TNR: variants seen among roughly 807,000 people sequenced by gnomAD.
TNR encodes the protein tenascin R, also known as tenascin-R.
In TNR, 45 loss-of-function variants were observed where a neutral mutation model predicts 150.4. The ratio of observed to expected loss-of-function variants is 0.30; its 90% CI spans 0.24 to 0.38. The LOEUF is 0.38. TNR is among the 10% of genes least tolerant of loss of function. The pLI, the probability that TNR is intolerant of heterozygous loss-of-function variation, is 1.00. For synonymous variants in TNR, 687 were observed against 678.4 expected, an observed-to-expected ratio of 1.01 and a Z score of -0.20; for missense variants, 1,544 against 1,759.1, an observed-to-expected ratio of 0.88 and a Z score of 2.19.
intron 1 of TNR, among the ~76,000 whole-genome samples, chr1:175,705,251 A>G (rs1666814458): frequency 6.6e-6 from 1 of 152,210 alleles, no homozygotes; most frequent in Non-Finnish European, 1.5e-5. Context: ...TGAAGGAGGT[A>G]TAATAAAGCC....
chr1:175,364,871 A>T, intron 12 of TNR, 139 bp downstream of exon 12: 2 of 1,076,636 alleles, frequency 1.9e-6, no homozygotes, highest in South Asian at 1.8e-5. Flanking sequence ...TAGCTGTTTC[A>T]GAACAGGTCA....
chr1:175,654,606 C>T (rs962364836), intron 1 of TNR, among the ~76,000 whole-genome samples: 1 of 151,678 alleles, frequency 6.6e-6, no homozygotes, highest in Non-Finnish European at 1.5e-5. Context: ...TGTCTAAGTT[C>T]TTCTCGCTTC....
chr1:175,406,887 G>T (rs1017054198), intron 2 of TNR, 110 bp from the exon 3 acceptor site: 2 of 755,278 alleles, frequency 2.6e-6, no homozygotes, highest in Non-Finnish European at 2.1e-6. Flanking sequence ...TTTTCAAGGG[G>T]GGGGCGTCAG....
chr1:175,661,374 C>G (rs546569170), intron 1 of TNR, among the ~76,000 whole-genome samples: 18 of 152,264 alleles, frequency 1.2e-4, no homozygotes, highest in Admixed American at 9.8e-4. Context: ...CTGTTTTAAG[C>G]CCCCCTAAAT....
chr1:175,606,384 C>A (rs1315475761), intron 1 of TNR, among the ~76,000 whole-genome samples: 1 of 152,188 alleles, frequency 6.6e-6, no homozygotes, highest in East Asian at 1.9e-4. Flanking sequence ...ATATGATCGA[C>A]TGAGTTGGCA....
At chr1:175,446,372 A>G (rs1002416591) in intron 2 of TNR, among the ~76,000 whole-genome samples, 6 of 152,242 alleles carry the variant, frequency 3.9e-5, no homozygotes, top group African/African-American at 1.2e-4. Context: ...TTCCATCCAC[A>G]AAATGGCTAT....
At chr1:175,370,591 T>A (rs1270396609) in intron 9 of TNR, among the ~76,000 whole-genome samples, 2 of 152,082 alleles carry the variant, frequency 1.3e-5, no homozygotes, top group Admixed American at 1.3e-4. Context: ...CCCTGATCCA[T>A]TTGAAGCACA....
At chr1:175,742,810 C>A in intron 1 of TNR, among the ~76,000 whole-genome samples, 1 of 152,302 alleles carries the variant, frequency 6.6e-6, no homozygotes, top group East Asian at 1.9e-4. Context: ...CTCTTTCCCA[C>A]CATGGATGGC....
chr1:175,619,146 G>A (rs748060187), intron 1 of TNR, among the ~76,000 whole-genome samples: 7 of 152,202 alleles, frequency 4.6e-5, no homozygotes, highest in East Asian at 1.9e-4. Context: ...CCTCTATCAC[G>A]GTCTACTCCT....
chr1:175,339,231 C>T (rs1465884216), intron 18 of TNR, among the ~76,000 whole-genome samples: 1 of 152,130 alleles, frequency 6.6e-6, no homozygotes. Flanking sequence ...AAATATAATG[C>T]ATGATTGAAT....
intron 1 of TNR, among the ~76,000 whole-genome samples, chr1:175,739,301 C>A (rs1477236305): frequency 6.6e-6 from 1 of 152,156 alleles, no homozygotes; most frequent in Non-Finnish European, 1.5e-5. Flanking sequence ...ACTAAAGATT[C>A]TAATTTACTG....
chr1:175,346,952 G>A (rs1456527972), intron 18 of TNR, among the ~76,000 whole-genome samples: 1 of 149,308 alleles, frequency 6.7e-6, no homozygotes, highest in Non-Finnish European at 1.5e-5. Context: ...AGCTTTTTTT[G>A]TTTCTTTTTA....
chr1:175,721,463 A>G (rs573515874), intron 1 of TNR, among the ~76,000 whole-genome samples: 49 of 152,024 alleles, frequency 3.2e-4, no homozygotes, highest in Middle Eastern at 3.4e-3. Context: ...GGCTGTGTTC[A>G]CCCCACCCAG....
intron 2 of TNR, among the ~76,000 whole-genome samples, chr1:175,452,703 TAA>T (rs2102095114): frequency 6.6e-6 from 1 of 152,114 alleles, no homozygotes; most frequent in African/African-American, 2.4e-5. Context: ...TGTAAGGGAG[TAA>T]AGAGTGACGG....
At chr1:175,491,004 T>A (rs1183105954) in intron 2 of TNR, among the ~76,000 whole-genome samples, 3 of 152,052 alleles carry the variant, frequency 2.0e-5, no homozygotes, top group Admixed American at 1.3e-4. Flanking sequence ...ATAAAGAAAA[T>A]GTAGTAGGTA....
At chr1:175,632,251 T>C (rs1664349445) in intron 1 of TNR, among the ~76,000 whole-genome samples, 1 of 152,194 alleles carries the variant, frequency 6.6e-6, no homozygotes, top group Non-Finnish European at 1.5e-5. Flanking sequence ...ACTTGGCAAA[T>C]GTGATTCTTA....
intron 1 of TNR, among the ~76,000 whole-genome samples, chr1:175,694,777 G>A (rs1392491034): frequency 6.6e-6 from 1 of 152,146 alleles, no homozygotes; most frequent in Non-Finnish European, 1.5e-5. Flanking sequence ...AGGCAGAGAA[G>A]GCCATGTGTA....
In TNR at chr1:175,363,742, G is replaced by A. The variant is rs760178073; in HGVS notation, c.2673C>T (p.Phe891=). 33 of 1,613,702 alleles carry A rather than the reference G, an allele frequency of 2.0e-5. No homozygotes were observed. In the Middle Eastern group the frequency reaches 6.6e-4, roughly 32 times the overall value. The part of the protein sequence containing the change: ...MVSWSPPVAS[F]DYYRVSYRPT... ...GTCGATATGATACTCGGTAGTAATCGAAAGATGCAACAGGAGGGCTCCAGG... is the reference window on the plus strand; with the variant it reads ...GTCGATATGATACTCGGTAGTAATCAAAAGATGCAACAGGAGGGCTCCAGG... The change falls in exon 13 of 23, where the codon TTC becomes TTT. Residue 891 remains phenylalanine, a synonymous_variant. Transcript: ENST00000367674.
intron 2 of TNR, among the ~76,000 whole-genome samples, 199 bp downstream of exon 2, chr1:175,528,070 C>G (rs1024864295): frequency 3.9e-5 from 6 of 152,132 alleles, no homozygotes; most frequent in African/African-American, 1.4e-4. Context: ...GCCTTGGTAC[C>G]CGGTTTCTCC....
Sources: gnomAD v4.1 joint callset for allele counts (sites outside exome capture counted in the v4.1 genomes callset) on GRCh38, gnomAD v4.1.1 for gene constraint, MANE v1.5 for transcripts, NCBI Gene and HGNC (gene_info 2026-07-23, HGNC 2026-07-21) for gene names.